TXNRD1: variants seen among roughly 807,000 people sequenced by gnomAD.
The protein encoded by TXNRD1 is thioredoxin reductase 1.
Under a neutral mutation model 80.3 loss-of-function variants are expected in TXNRD1, and 57 were observed. The observed-to-expected ratio is 0.71, with a 90% CI of 0.57 to 0.89. The LOEUF (loss-of-function observed/expected upper bound fraction) is 0.89, where lower values mean the gene tolerates loss of function less well. TXNRD1 is among the 40% of genes least tolerant of loss of function. The pLI is 0.00. For missense variants in TXNRD1, 730 were observed against 803.0 expected (o/e 0.91, Z 1.10); for synonymous variants, 291 against 285.2 (o/e 1.02, Z -0.20).
intron 4 of TXNRD1, among the ~76,000 whole-genome samples, chr12:104,303,037 G>C (rs960971649): frequency 1.3e-5 from 2 of 152,070 alleles, no homozygotes; most frequent in Non-Finnish European, 2.9e-5. Context: ...TTTAGCTGTT[G>C]GCAAGCTTCC....
chr12:104,219,840 CA>C lies in TXNRD1; in HGVS notation c.91+3948del, dbSNP rs1386331843. On this transcript the variant is annotated intron_variant, in intron 1 of 16. Coordinates refer to ENST00000525566, the MANE Select transcript of TXNRD1 (RefSeq NM_001093771.3). Reference sequence around the variant, plus strand: ...AAAAGCCAATGCTATTAACATTGACCAGCTTCTTCTAGTAAGGAGAGGAGAC... The same window carrying C: ...AAAAGCCAATGCTATTAACATTGACCGCTTCTTCTAGTAAGGAGAGGAGAC... Among the ~76,000 whole-genome samples the C allele has an allele frequency of 2.0e-5, 3 of 151,800 alleles. No individual in the cohort carries two copies. The East Asian group carries it at 5.8e-4, about 29-fold the overall frequency.
chr12:104,309,883 T>C lies in TXNRD1; in HGVS notation c.415-1407T>C, dbSNP rs1464565781. 5.2e-6 allele frequency: 8 copies of C among 1,536,086 alleles called. No individual in the cohort carries two copies. In the Admixed American group the frequency reaches 1.4e-4, roughly 26 times the overall value. ...GAGTGGTGCAGTCTTGCCCCCACTG[T>C]TGCTGGTTTCCAGGTGTTCTCCCTT... On this transcript the variant is annotated intron_variant, in intron 4 of 16. Coordinates refer to ENST00000525566, the MANE Select transcript of TXNRD1 (RefSeq NM_001093771.3).
chr12:104,285,978 T>C (rs1015314041), intron 3 of TXNRD1: 3 of 152,090 alleles, frequency 2.0e-5, no homozygotes, highest in Admixed American at 1.3e-4. Context: ...GTGTGTAGTG[T>C]GTGTGTGTGC....
chr12:104,261,928 A>G (rs2135713790), intron 3 of TXNRD1, among the ~76,000 whole-genome samples: 1 of 151,748 alleles, frequency 6.6e-6, no homozygotes, highest in East Asian at 2.0e-4. Flanking sequence ...TTGTGTTTTT[A>G]GTAGAGACAG....
chr12:104,251,035 G>A (rs1306147846), intron 1 of TXNRD1, among the ~76,000 whole-genome samples: 1 of 152,170 alleles, frequency 6.6e-6, no homozygotes, highest in Non-Finnish European at 1.5e-5. Context: ...GCTGCATCTT[G>A]CCTGAAGATC....
intron 4 of TXNRD1, among the ~76,000 whole-genome samples, chr12:104,309,445 G>A (rs1260331231): frequency 2.0e-5 from 3 of 152,178 alleles, no homozygotes; most frequent in Non-Finnish European, 1.5e-5. Flanking sequence ...TCAGCATGAG[G>A]ATACATTTTC....
At chr12:104,302,173 AC>A (rs938541299) in intron 4 of TXNRD1, among the ~76,000 whole-genome samples, 2 of 152,216 alleles carry the variant, frequency 1.3e-5, no homozygotes, top group Non-Finnish European at 2.9e-5. Flanking sequence ...TCCCTGAATT[AC>A]CCCTAGTTAA....
intron 13 of TXNRD1, 66 bp from the exon 14 acceptor site, chr12:104,331,468 T>C: frequency 9.0e-7 from 1 of 1,117,094 alleles, no homozygotes; most frequent in Non-Finnish European, 1.3e-6. Context: ...TTTGACTTTT[T>C]TGAATACCTT....
intron 2 of TXNRD1, among the ~76,000 whole-genome samples, chr12:104,254,644 A>AAATATATATATAT: frequency 6.4e-5 from 6 of 93,638 alleles, no homozygotes; most frequent in African/African-American, 2.6e-4. Flanking sequence ...AAAAAAAAAA[A>AAATATATATATAT]ATATATATAT....
intron 4 of TXNRD1, 101 bp downstream of exon 4, chr12:104,289,141 A>G: frequency 7.2e-7 from 1 of 1,398,138 alleles, no homozygotes; most frequent in South Asian, 1.4e-5. Flanking sequence ...TGACCCTCCA[A>G]ACGGGACGCA....
At chr12:104,216,339 C>T (rs1240124784) in intron 1 of TXNRD1, among the ~76,000 whole-genome samples, 1 of 152,240 alleles carries the variant, frequency 6.6e-6, no homozygotes, top group African/African-American at 2.4e-5. Context: ...CCAGAAGCCC[C>T]CGGCCCACTC....
intron 3 of TXNRD1, among the ~76,000 whole-genome samples, chr12:104,271,284 C>T (rs1275423598): frequency 6.7e-6 from 1 of 148,624 alleles, no homozygotes; most frequent in Non-Finnish European, 1.5e-5. Context: ...CTCCCAGGTT[C>T]ATGCCATTCT....
At chr12:104,298,025 G>A (rs1257028189) in intron 4 of TXNRD1, among the ~76,000 whole-genome samples, 1 of 152,202 alleles carries the variant, frequency 6.6e-6, no homozygotes, top group Non-Finnish European at 1.5e-5. Flanking sequence ...TTTGACCACA[G>A]AGCAAGGGTG....
chr12:104,327,647 G>A lies in TXNRD1; in HGVS notation c.1518G>A (p.Arg506=). 1 of 1,613,568 alleles carries A rather than the reference G, an allele frequency of 6.2e-7. No homozygotes were observed. The highest frequency in any genetic ancestry group is 2.2e-5 in the East Asian group (1 of 44,884). The change falls in exon 13 of 17, where the codon AGG becomes AGA. Residue 506 remains arginine, a synonymous_variant. Coordinates refer to ENST00000525566, the MANE Select transcript of TXNRD1 (RefSeq NM_001093771.3). ...AGGCAGGAAGATTGCTGGCTCAGAG[G>A]CTCTATGCAGGTTCCACTGTCAAGG... is the stretch of plus-strand genomic sequence containing the variant. ...AIQAGRLLAQ[R]LYAGSTVKCD... is the part of the protein sequence containing the mutation.
intron 4 of TXNRD1, among the ~76,000 whole-genome samples, chr12:104,297,699 T>A (rs2034483420): frequency 6.6e-6 from 1 of 152,186 alleles, no homozygotes; most frequent in African/African-American, 2.4e-5. Flanking sequence ...CCACTCTGTA[T>A]GGCAGAGTGA....
chr12:104,333,157 CATT>C (rs1377539682), intron 14 of TXNRD1, among the ~76,000 whole-genome samples: 3 of 151,890 alleles, frequency 2.0e-5, no homozygotes, highest in Admixed American at 1.3e-4. Flanking sequence ...TACAGTTTTT[CATT>C]ATTATAAATA....
intron 16 of TXNRD1, among the ~76,000 whole-genome samples, chr12:104,340,780 C>A (rs1234167593): frequency 1.3e-5 from 2 of 152,158 alleles, no homozygotes; most frequent in African/African-American, 4.8e-5. Flanking sequence ...TCCAAATTCA[C>A]AAATACTGGG....
chr12:104,349,633 A>G lies in TXNRD1; in HGVS notation c.*1212A>G, dbSNP rs180703023. Reference sequence around the variant, plus strand: ...CTTGCATTATTATAAAGAGGTATTAATGCCTCAGTTATGTGTTTGTCAATG... The same window carrying G: ...CTTGCATTATTATAAAGAGGTATTAGTGCCTCAGTTATGTGTTTGTCAATG... On this transcript the variant is annotated 3_prime_UTR_variant, in exon 17 of 17. Transcript: ENST00000525566. 3.9e-5 allele frequency: 6 copies of G among 152,610 alleles called. No individual in the cohort carries two copies. The highest frequency in any genetic ancestry group is 1.4e-4 in the African/African-American group (6 of 41,464). 9.5% of individuals were successfully genotyped at this position (152,610 alleles called of 1,614,324 possible). A position where few individuals can be genotyped will look rare whatever the true frequency, so the allele number is the denominator to read the frequency against.
intron 1 of TXNRD1, among the ~76,000 whole-genome samples, chr12:104,218,306 G>C (rs1318054370): frequency 2.0e-5 from 3 of 152,108 alleles, no homozygotes; most frequent in African/African-American, 7.2e-5. Flanking sequence ...TTACAGGCTT[G>C]AGCCACCACG....
Sources: allele counts gnomAD v4.1 joint callset (sites outside exome capture counted in the v4.1 genomes callset), GRCh38; gene constraint gnomAD v4.1.1; transcripts MANE v1.5; gene names NCBI Gene and HGNC (gene_info 2026-07-23, HGNC 2026-07-21).